The following AKAP13 variants were observed in gnomAD, a reference collection of about 807,000 sequenced individuals.
AKAP13 encodes A-kinase anchoring protein 13.
A neutral mutation model predicts 264.5 loss-of-function variants in AKAP13; 80 were observed. The ratio of observed to expected loss-of-function variants is 0.30; its 90% CI spans 0.25 to 0.36. The LOEUF (loss-of-function observed/expected upper bound fraction) is 0.36. AKAP13 is among the 10% of genes least tolerant of loss of function. The pLI, the probability that AKAP13 is intolerant of heterozygous loss-of-function variation, is 1.00. For missense variants in AKAP13, 3,712 were observed against 3,435.2 expected (o/e 1.08, Z -2.01); for synonymous variants, 1,380 against 1,250.2 (o/e 1.10, Z -2.19).
At chr15:85,682,402 T>G (rs2151604791) in intron 15 of AKAP13, among the ~76,000 whole-genome samples, 190 bp downstream of exon 15, 1 of 152,364 alleles carries the variant, frequency 6.6e-6, no homozygotes, top group South Asian at 2.1e-4. Context: ...CTTCAGTAGT[T>G]TTATTAATTA....
Position 85,655,665 on chromosome 15 carries a change from C to T in AKAP13, c.4623C>T (p.Ile1541=), listed in dbSNP as rs1174757542. The change falls in exon 11 of 37, where the codon ATC becomes ATT. Residue 1541 remains isoleucine (I), a synonymous_variant. Transcript: ENST00000394518. ...TGGAGGAGGAGGAGATGGACAGTAT[C>T]ACTGAAGTGCCTGCAAACTGCTCTG... ...GDVEEEEMDS[I]TEVPANCSVL... is the part of the protein sequence containing the mutation. 5 of 1,614,212 alleles carry T rather than the reference C, an allele frequency of 3.1e-6. No homozygotes were observed. Among genetic ancestry groups the T allele is most frequent in the Non-Finnish European group, 4.2e-6 (5 of 1,180,042 alleles).
At position 85,734,994 on chromosome 15, in the gene AKAP13, G is replaced by A. The variant is rs2151763230; in HGVS notation, c.7285G>A (p.Glu2429Lys). Reference sequence around the variant, plus strand: ...TTTGCATGTTTCCTTTATTCCAGTGGAGATCCTTCAGGGTTTGGTGAGTGG... The same window carrying A: ...TTTGCATGTTTCCTTTATTCCAGTGAAGATCCTTCAGGGTTTGGTGAGTGG... ...PLMKSAINEV[E>K]ILQGLVSGNL... The change falls in exon 31 of 37, where the codon GAG becomes AAG. Residue 2429 changes from glutamate to lysine, a missense_variant and splice_region_variant. Physicochemically the swap from Glu to Lys is moderately conservative, Grantham distance 56 (BLOSUM62 1). Transcript: ENST00000394518. 2.5e-6 allele frequency: 4 copies of A among 1,612,974 alleles called. No individual in the cohort carries two copies. Among genetic ancestry groups the A allele is most frequent in the Admixed American group, 3.3e-5 (2 of 59,744 alleles).
chr15:85,693,626 G>A (rs1019572865), intron 17 of AKAP13, among the ~76,000 whole-genome samples, 175 bp downstream of exon 17: 1 of 152,176 alleles, frequency 6.6e-6, no homozygotes, highest in South Asian at 2.1e-4. Context: ...ATAACATACA[G>A]CCTATATTTT....
chr15:85,399,760 T>C (rs1005628569), intron 1 of AKAP13, among the ~76,000 whole-genome samples: 4 of 151,920 alleles, frequency 2.6e-5, no homozygotes, highest in Non-Finnish European at 5.9e-5. Context: ...GTCACTGATA[T>C]CATGTTCCTT....
intron 10 of AKAP13, 54 bp downstream of exon 10, chr15:85,646,008 T>C: frequency 6.3e-7 from 1 of 1,585,176 alleles, no homozygotes; most frequent in Non-Finnish European, 8.5e-7. Context: ...TGTTCCTATT[T>C]GGGCTTCCCA....
At chr15:85,629,368 C>T (rs572115601) in intron 8 of AKAP13, among the ~76,000 whole-genome samples, 2 of 152,192 alleles carry the variant, frequency 1.3e-5, no homozygotes, top group East Asian at 3.9e-4. Context: ...CTCCTTTGGC[C>T]TCAGGTTTTT....
intron 17 of AKAP13, chr15:85,702,441 C>T (rs370669296): frequency 2.6e-5 from 4 of 152,068 alleles, no homozygotes; most frequent in Non-Finnish European, 4.4e-5. Flanking sequence ...AATTTGGGGA[C>T]GCAGAATCTT....
chr15:85,486,338 A>T (rs1004994411), intron 2 of AKAP13, among the ~76,000 whole-genome samples: 1 of 152,188 alleles, frequency 6.6e-6, no homozygotes, highest in Non-Finnish European at 1.5e-5. Flanking sequence ...CTAAAGTCAC[A>T]GAGATTTATT....
chr15:85,617,164 CTG>C (rs2080973043), intron 8 of AKAP13, among the ~76,000 whole-genome samples: 1 of 152,202 alleles, frequency 6.6e-6, no homozygotes, highest in African/African-American at 2.4e-5. Flanking sequence ...CACAAAATAT[CTG>C]TTACATTGTT....
chr15:85,741,427 G>A lies in AKAP13; in HGVS notation c.7990G>A (p.Glu2664Lys), dbSNP rs202160131. 39 of 1,611,284 alleles carry A rather than the reference G, an allele frequency of 2.4e-5. No homozygotes were observed. Among genetic ancestry groups the A allele is most frequent in the Non-Finnish European group, 3.2e-5 (38 of 1,177,922 alleles). Residue 2664 changes from glutamate to lysine, a missense_variant, in exon 35 of 37, where the codon GAA becomes AAA. By Grantham distance (56) the Glu-to-Lys change is moderately conservative (BLOSUM62 1). Around this residue, in one of 3 missense-constraint regions of AKAP13, gnomAD observed 611 missense variants for 539.3 expected, o/e 1.13. Transcript: ENST00000394518. ...TGCTGCCCAGAAACAGCTTGAGAGG[G>A]AACAGGAGCAGCTGCGCCGGGAGGC... ...LRAAQKQLER[E>K]QEQLRREAER...
chr15:85,426,379 C>G (rs1286701449), intron 1 of AKAP13, among the ~76,000 whole-genome samples: 1 of 152,200 alleles, frequency 6.6e-6, no homozygotes, highest in Non-Finnish European at 1.5e-5. Flanking sequence ...TCTGTGATTA[C>G]TGTCTAGGAT....
At chr15:85,504,805 A>C (rs532456723) in intron 2 of AKAP13, among the ~76,000 whole-genome samples, 1 of 151,978 alleles carries the variant, frequency 6.6e-6, no homozygotes, top group Non-Finnish European at 1.5e-5. Flanking sequence ...TAATAATTCT[A>C]CCACTTCCAG....
At chr15:85,555,959 T>G (rs1031418762) in intron 5 of AKAP13, among the ~76,000 whole-genome samples, 1 of 152,256 alleles carries the variant, frequency 6.6e-6, no homozygotes, top group Non-Finnish European at 1.5e-5. Context: ...TAATATACTT[T>G]ATTAGCTTCT....
intron 3 of AKAP13, among the ~76,000 whole-genome samples, chr15:85,523,854 T>C (rs1027081470): frequency 6.9e-6 from 1 of 144,024 alleles, no homozygotes; most frequent in Non-Finnish European, 1.5e-5. Context: ...AGTCTCTGGC[T>C]TCTTGAGTTG....
chr15:85,462,776 G>A (rs1039406249), intron 1 of AKAP13, among the ~76,000 whole-genome samples: 5 of 152,004 alleles, frequency 3.3e-5, no homozygotes, highest in Non-Finnish European at 7.4e-5. Flanking sequence ...TGTAATCCCA[G>A]CACTTTGGGA....
intron 14 of AKAP13, among the ~76,000 whole-genome samples, chr15:85,674,506 G>C (rs2084108956): frequency 6.6e-6 from 1 of 152,186 alleles, no homozygotes; most frequent in Admixed American, 6.5e-5. Flanking sequence ...GTATCACAAA[G>C]AAGGGCACTT....
Position 85,583,535 on chromosome 15 carries a change from C to G in AKAP13, c.4039+1428C>G, listed in dbSNP as rs76015738. On this transcript the variant is annotated intron_variant, in intron 7 of 36. Transcript: ENST00000394518. The stretch of plus-strand genomic sequence containing the variant: ...TAATTTTTAAAAAAAGCCACAACAA[C>G]AAGTCTATTTTGGGGGCCCTGGCAG... Among the ~76,000 whole-genome samples, 321 of 152,274 alleles carry G rather than the reference C, an allele frequency of 2.1e-3. 3 individuals are homozygous for G. The highest frequency in any genetic ancestry group is 4.2e-3 in the African/African-American group (174 of 41,552).
At chr15:85,505,515 T>C (rs369191156) in intron 2 of AKAP13, among the ~76,000 whole-genome samples, 3 of 152,354 alleles carry the variant, frequency 2.0e-5, no homozygotes, top group African/African-American at 7.2e-5. Context: ...AGTATCTTTA[T>C]TGGGCAAAAG....
At position 85,444,690 on chromosome 15, in the gene AKAP13, G is replaced by T. The variant is rs34315673; in HGVS notation, c.-11-41020G>T. On this transcript the variant is annotated intron_variant, in intron 1 of 36. Coordinates refer to ENST00000394518, the MANE Select transcript of AKAP13 (RefSeq NM_007200.5). The stretch of plus-strand genomic sequence containing the variant: ...CTTTTTCAGAAGACATGGCCACAGA[G>T]GCTTTTGTGGGAAGGGGATTGTAAT... Among the ~76,000 whole-genome samples the T allele has an allele frequency of 1.9e-3, 289 of 152,308 alleles. 1 individual carries two copies. The highest frequency in any genetic ancestry group is 3.1e-3 in the Non-Finnish European group (209 of 68,024).
Sources: allele counts gnomAD v4.1 joint callset (sites outside exome capture counted in the v4.1 genomes callset), GRCh38; gene constraint gnomAD v4.1.1; regional missense constraint gnomAD v4.1.1; transcripts MANE v1.5; gene names NCBI Gene and HGNC (gene_info 2026-07-23, HGNC 2026-07-21).